Variants in TUBGCP5 observed in about 807,000 individuals in gnomAD.
TUBGCP5 encodes the protein gamma-tubulin complex component 5.
A neutral mutation model predicts 134.7 loss-of-function variants in TUBGCP5; 98 were observed. The ratio of observed to expected loss-of-function variants is 0.73; its 90% CI spans 0.62 to 0.86. The LOEUF is 0.86. Among genes scored for constraint, TUBGCP5 ranks in the 40% least tolerant of loss-of-function variants. TUBGCP5 has a pLI of 0.00. For synonymous variants in TUBGCP5, 456 were observed against 431.4 expected, an observed-to-expected ratio of 1.06 and a Z score of -0.71; for missense variants, 1,150 against 1,244.8, an observed-to-expected ratio of 0.92 and a Z score of 1.15.
At chr15:22,993,572 T>G (rs572614633) in intron 23 of TUBGCP5, among the ~76,000 whole-genome samples, 1 of 127,984 alleles carries the variant, frequency 7.8e-6, no homozygotes, top group Non-Finnish European at 1.6e-5. Flanking sequence ...TGAGACGGAG[T>G]CTCGCTCTGT....
intron 11 of TUBGCP5, among the ~76,000 whole-genome samples, chr15:23,020,863 C>T (rs553397240): frequency 1.3e-3 from 197 of 152,200 alleles, no homozygotes; most frequent in African/African-American, 4.5e-3. Flanking sequence ...CTTAGCCTCT[C>T]GAGTACCTGG....
rs1373950881 is a variant in TUBGCP5 at position 23,003,171 on chromosome 15, A to C, written c.2839-18T>G. 1.2e-6 allele frequency: 2 copies of C among 1,612,548 alleles called. No individual in the cohort carries two copies. Among genetic ancestry groups the C allele is most frequent in the Non-Finnish European group, 1.7e-6 (2 of 1,178,544 alleles). On this transcript the variant is annotated intron_variant, in intron 20 of 22. Coordinates refer to ENST00000615383, the MANE Select transcript of TUBGCP5 (RefSeq NM_052903.6). ...AAGCTGACCTGCAGACCAAAGTCAC[A>C]GAACACAAACTGTGTAACTAGGTTT... is the stretch of plus-strand genomic sequence containing the variant.
At chr15:23,005,366 G>T (rs2064641040) in intron 19 of TUBGCP5, 66 bp downstream of exon 19, 1 of 1,536,486 alleles carries the variant, frequency 6.5e-7, no homozygotes. Flanking sequence ...CATAGTATGA[G>T]TAATTCTCTA....
intron 7 of TUBGCP5, 105 bp downstream of exon 7, chr15:23,027,084 AAAC>A (rs1450134313): frequency 1.7e-5 from 15 of 890,408 alleles, no homozygotes; most frequent in Non-Finnish European, 2.4e-5. Context: ...GTCAAAACAA[AAAC>A]AAGTTTAAAT....
At position 23,018,101 on chromosome 15, in the gene TUBGCP5, G is replaced by T. The variant is rs2065445842; in HGVS notation, c.1488-60C>A. 3.4e-6 allele frequency: 5 copies of T among 1,475,116 alleles called. No homozygotes were observed. In the East Asian group the frequency reaches 9.3e-5, roughly 27 times the overall value. The allele number at this position is 1,475,116 out of a possible 1,614,324, so 91.4% of individuals were successfully genotyped here. ...TCTCTTTCTTAAAAACAGCATACTT[G>T]TTCTAGTTTGTTGTCCAGACATTAT... On this transcript the variant is annotated intron_variant, in intron 12 of 22. Transcript: ENST00000615383.
At chr15:23,015,756 G>A (rs1331354609) in intron 13 of TUBGCP5, among the ~76,000 whole-genome samples, 3 of 152,138 alleles carry the variant, frequency 2.0e-5, no homozygotes, top group African/African-American at 7.2e-5. Flanking sequence ...TCACTAAAGT[G>A]GATTACAACT....
chr15:22,993,540 T>TTTTG (rs2063930599), intron 23 of TUBGCP5, among the ~76,000 whole-genome samples: 1 of 135,622 alleles, frequency 7.4e-6, no homozygotes, highest in Non-Finnish European at 1.6e-5. Context: ...TTTTTTTTTT[T>TTTTG]TTTTTTTTTT....
Position 23,002,621 on chromosome 15 carries a change from G to C in TUBGCP5, c.2927+444C>G, listed in dbSNP as rs78381917. On this transcript the variant is annotated intron_variant, in intron 21 of 22. Coordinates refer to ENST00000615383, the MANE Select transcript of TUBGCP5 (RefSeq NM_052903.6). ...GGAGAATAGTCTAGCATGATGTCCA[G>C]AATTTGATTTAAAATAATTCAGCAA... Among the ~76,000 whole-genome samples the C allele has an allele frequency of 7.1e-3, 1,074 of 152,230 alleles. 12 individuals carry two copies. Among genetic ancestry groups the C allele is most frequent in the African/African-American group, 0.024 (1,015 of 41,522 alleles).
In TUBGCP5 at chr15:23,031,995, C is replaced by T; in HGVS notation, c.441G>A (p.Leu147=). 1.2e-6 allele frequency: 2 copies of T among 1,612,576 alleles called. No homozygotes were observed. The highest frequency in any genetic ancestry group is 2.2e-5 in the East Asian group (1 of 44,848). ...KKDDFDWGKY[L]MEDEEMDIGP... is the part of the protein sequence containing the mutation. ...CAATGTCCATTTCTTCATCTTCCAT[C>T]AAGTATTTTCCCCAGTCGAAATCAT... The change falls in exon 5 of 23, where the codon TTG becomes TTA. Residue 147 remains leucine, a synonymous_variant. Transcript: ENST00000615383.
In TUBGCP5 at chr15:23,002,984, G is replaced by A. The variant is rs2064476690; in HGVS notation, c.2927+81C>T. 2.1e-6 allele frequency: 3 copies of A among 1,411,642 alleles called. No individual in the cohort carries two copies. In the African/African-American group the frequency reaches 4.2e-5, roughly 20 times the overall value. The allele number at this position is 1,411,642 out of a possible 1,614,324, so 87.4% of individuals were successfully genotyped here. A position where few individuals can be genotyped will look rare whatever the true frequency, so the allele number is the denominator to read the frequency against. On this transcript the variant is annotated intron_variant, in intron 21 of 22. Transcript: ENST00000615383. Reference sequence around the variant, plus strand: ...TCTCCTCTCAGCCTCCTGAATGGCTGGGAAGACCCTGTCTCTAAAAAAAAG... The same window carrying A: ...TCTCCTCTCAGCCTCCTGAATGGCTAGGAAGACCCTGTCTCTAAAAAAAAG...
chr15:23,033,476 A>C lies in TUBGCP5; in HGVS notation c.310-652T>G, dbSNP rs542238198. On this transcript the variant is annotated intron_variant, in intron 3 of 22. Transcript: ENST00000615383. Reference sequence around the variant, plus strand: ...GTATTTTTAGTAGAGATGGGGTTTCACCATGTTGGCCAGGATGGTCTCCAA... The same window carrying C: ...GTATTTTTAGTAGAGATGGGGTTTCCCCATGTTGGCCAGGATGGTCTCCAA... Among the ~76,000 whole-genome samples the C allele has an allele frequency of 1.1e-4, 17 of 152,230 alleles. No individual in the cohort carries two copies. The East Asian group carries it at 1.4e-3, about 12-fold the overall frequency.
Position 23,006,381 on chromosome 15 carries a change from G to A in TUBGCP5, c.2328-29C>T, listed in dbSNP as rs377263942. On this transcript the variant is annotated intron_variant, in intron 16 of 22. Coordinates refer to ENST00000615383, the MANE Select transcript of TUBGCP5 (RefSeq NM_052903.6). Reference sequence around the variant, plus strand: ...AAGAAAGAAATTCCAGTTTTAGTTTGTGAAAGCACTATGTCACACAAAAAT... The same window carrying A: ...AAGAAAGAAATTCCAGTTTTAGTTTATGAAAGCACTATGTCACACAAAAAT... 1.6e-4 allele frequency: 236 copies of A among 1,513,490 alleles called. No individual in the cohort carries two copies. In the African/African-American group the frequency reaches 3.1e-3, roughly 20 times the overall value. The allele number at this position is 1,513,490 out of a possible 1,614,324, so 93.8% of individuals were successfully genotyped here. A position where few individuals can be genotyped will look rare whatever the true frequency, so the allele number is the denominator to read the frequency against.
intron 23 of TUBGCP5, among the ~76,000 whole-genome samples, chr15:22,991,171 C>T (rs1474224117): frequency 6.6e-6 from 1 of 151,834 alleles, no homozygotes; most frequent in East Asian, 1.9e-4. Flanking sequence ...GATGTCAGCT[C>T]ACTGCAACCT....
intron 19 of TUBGCP5, 116 bp downstream of exon 19, chr15:23,005,316 G>A: frequency 8.3e-7 from 1 of 1,198,206 alleles, no homozygotes; most frequent in Non-Finnish European, 1.2e-6. Flanking sequence ...TTTGCTACAT[G>A]TCCCGTTTTC....
intron 21 of TUBGCP5, among the ~76,000 whole-genome samples, chr15:23,002,799 T>G (rs949406551): frequency 1.3e-5 from 2 of 151,946 alleles, no homozygotes; most frequent in African/African-American, 4.8e-5. Context: ...CAATATAACA[T>G]GAGTATAATC....
chr15:22,998,968 T>C (rs541912798), downstream of TUBGCP5, among the ~76,000 whole-genome samples: 8 of 152,198 alleles, frequency 5.3e-5, no homozygotes, highest in African/African-American at 1.9e-4. Flanking sequence ...ATATGTTGCC[T>C]AGGCAGGTCT....
intron 23 of TUBGCP5, among the ~76,000 whole-genome samples, chr15:22,990,036 A>G (rs908556243): frequency 1.3e-5 from 2 of 152,148 alleles, no homozygotes; most frequent in African/African-American, 4.8e-5. Context: ...GAGATCACAC[A>G]TGAACCATGC....
chr15:22,988,130 A>C (rs2063733919), intron 23 of TUBGCP5, among the ~76,000 whole-genome samples: 1 of 112,296 alleles, frequency 8.9e-6, no homozygotes, highest in African/African-American at 3.8e-5. Context: ...GTCCTGACGG[A>C]CTAAGACAGT....
At chr15:23,002,763 A>C (rs1053852500) in intron 21 of TUBGCP5, among the ~76,000 whole-genome samples, 9 of 152,228 alleles carry the variant, frequency 5.9e-5, no homozygotes, top group Non-Finnish European at 1.2e-4. Context: ...GAAGGTGTCC[A>C]TGATAAAAAT....
Sources: allele counts gnomAD v4.1 joint callset (sites outside exome capture counted in the v4.1 genomes callset), GRCh38; gene constraint gnomAD v4.1.1; transcripts MANE v1.5; gene names NCBI Gene and HGNC (gene_info 2026-07-23, HGNC 2026-07-21).